PTPRG: variants seen among roughly 807,000 people sequenced by gnomAD.
The protein encoded by PTPRG is receptor-type tyrosine-protein phosphatase gamma.
In PTPRG, 102 loss-of-function variants were observed where a neutral mutation model predicts 165.3. The observed-to-expected ratio is 0.62, with a 90% CI of 0.53 to 0.73. The LOEUF (loss-of-function observed/expected upper bound fraction) is 0.73, where lower values mean the gene tolerates loss of function less well. Ranked by LOEUF, PTPRG falls within the 30% of genes least tolerant of loss-of-function variation. The pLI is 0.00. For missense variants in PTPRG, 1,866 were observed against 1,861.4 expected (o/e 1.00, Z -0.05); for synonymous variants, 675 against 669.5 (o/e 1.01, Z -0.13).
At chr3:61,850,577 T>A (rs1334570675) in intron 2 of PTPRG, among the ~76,000 whole-genome samples, 1 of 152,232 alleles carries the variant, frequency 6.6e-6, no homozygotes, top group Non-Finnish European at 1.5e-5. Flanking sequence ...TTTATGTTAA[T>A]CTTCTTCAAT....
intron 6 of PTPRG, among the ~76,000 whole-genome samples, chr3:62,152,020 C>G (rs923645766): frequency 6.6e-6 from 1 of 152,094 alleles, no homozygotes; most frequent in Non-Finnish European, 1.5e-5. Flanking sequence ...GGATTCATAT[C>G]CAGGGGACCT....
At chr3:61,632,194 G>A (rs1701789383) in intron 1 of PTPRG, among the ~76,000 whole-genome samples, 1 of 151,944 alleles carries the variant, frequency 6.6e-6, no homozygotes, top group Non-Finnish European at 1.5e-5. Flanking sequence ...TGTAGTCCTA[G>A]CTACTTTGCA....
chr3:61,681,706 A>G (rs2107120226), intron 1 of PTPRG, among the ~76,000 whole-genome samples: 1 of 152,320 alleles, frequency 6.6e-6, no homozygotes, highest in Non-Finnish European at 1.5e-5. Context: ...TGATATGGGC[A>G]TGTAGGAAGC....
intron 1 of PTPRG, among the ~76,000 whole-genome samples, chr3:61,568,958 A>C (rs1293403043): frequency 6.6e-6 from 1 of 151,604 alleles, no homozygotes; most frequent in Non-Finnish European, 1.5e-5. Flanking sequence ...TAGGAAGAGG[A>C]ATGACAGCTG....
At chr3:61,789,832 G>T (rs1243444827) in intron 2 of PTPRG, among the ~76,000 whole-genome samples, 2 of 152,196 alleles carry the variant, frequency 1.3e-5, no homozygotes, top group Non-Finnish European at 2.9e-5. Context: ...GGCTTCTGTT[G>T]TAAGTGAGGT....
At chr3:62,211,405 G>T (rs1278176132) in intron 12 of PTPRG, among the ~76,000 whole-genome samples, 1 of 152,192 alleles carries the variant, frequency 6.6e-6, no homozygotes, top group Non-Finnish European at 1.5e-5. Context: ...AGATGAAAAA[G>T]TTCTGGAGAT....
intron 13 of PTPRG, among the ~76,000 whole-genome samples, chr3:62,226,322 T>C (rs942684427): frequency 1.3e-5 from 2 of 152,202 alleles, no homozygotes; most frequent in African/African-American, 4.8e-5. Context: ...CTGCTGGACA[T>C]GGTGGGAGTA....
At chr3:62,261,689 T>C (rs1701702898) in intron 16 of PTPRG, 1 of 151,960 alleles carries the variant, frequency 6.6e-6, no homozygotes, top group African/African-American at 2.4e-5. Flanking sequence ...CATTGAATAC[T>C]GTTTCTTTGA....
chr3:61,718,213 C>CAAAAAAAAAAAAAAAAAA (rs376955925), intron 1 of PTPRG, among the ~76,000 whole-genome samples: 1 of 102,444 alleles, frequency 9.8e-6, no homozygotes, highest in Non-Finnish European at 2.1e-5. Flanking sequence ...AAACAAAAAC[C>CAAAAAAAAAAAAAAAAAA]AAAAAAAAAA....
chr3:61,598,709 T>A (rs1700764756), intron 1 of PTPRG, among the ~76,000 whole-genome samples: 1 of 152,124 alleles, frequency 6.6e-6, no homozygotes, highest in African/African-American at 2.4e-5. Context: ...ACAATGGCAA[T>A]GTATTGTTTC....
At chr3:61,768,775 G>A (rs2034115104) in intron 2 of PTPRG, among the ~76,000 whole-genome samples, 1 of 152,058 alleles carries the variant, frequency 6.6e-6, no homozygotes, top group Non-Finnish European at 1.5e-5. Context: ...GTGGGGGAGG[G>A]TGTGTTTGCC....
chr3:62,134,972 A>T (rs961653045), intron 6 of PTPRG, among the ~76,000 whole-genome samples: 10 of 152,224 alleles, frequency 6.6e-5, no homozygotes, highest in South Asian at 4.1e-4. Context: ...ATAGTTTTTT[A>T]AAAAAAACTT....
intron 2 of PTPRG, among the ~76,000 whole-genome samples, chr3:61,845,508 C>T (rs1053070635): frequency 1.3e-5 from 2 of 152,130 alleles, no homozygotes; most frequent in African/African-American, 4.8e-5. Context: ...CCCTTGAAAA[C>T]CCATGATGCT....
At chr3:61,899,781 C>T (rs908086902) in intron 2 of PTPRG, among the ~76,000 whole-genome samples, 1 of 152,020 alleles carries the variant, frequency 6.6e-6, no homozygotes, top group Non-Finnish European at 1.5e-5. Context: ...GAAATGGGGC[C>T]AATGTGTCAG....
chr3:62,243,157 A>G (rs1046597340), intron 14 of PTPRG, among the ~76,000 whole-genome samples: 2 of 152,008 alleles, frequency 1.3e-5, no homozygotes, highest in Admixed American at 1.3e-4. Flanking sequence ...TGCCTGTCCT[A>G]TGATGACCAG....
In PTPRG at chr3:61,754,531, C is replaced by A. The variant is rs148110099; in HGVS notation, c.190+5549C>A. On this transcript the variant is annotated intron_variant, in intron 2 of 29. Coordinates refer to ENST00000474889, the MANE Select transcript of PTPRG (RefSeq NM_002841.4). ...TTATAATTCCTTGTTTCTCCTGCAG[C>A]GTGCCAGTGTGTCTTGTTTTGTGGA... Among the ~76,000 whole-genome samples, 105 of 152,230 alleles carry A rather than the reference C, an allele frequency of 6.9e-4. 1 individual carries two copies. The highest frequency in any genetic ancestry group is 2.3e-3 in the African/African-American group (96 of 41,530).
At chr3:61,925,464 C>T (rs986031449) in intron 2 of PTPRG, among the ~76,000 whole-genome samples, 1 of 152,218 alleles carries the variant, frequency 6.6e-6, no homozygotes, top group African/African-American at 2.4e-5. Flanking sequence ...CTGGTCAGGG[C>T]TGGGTGCAGT....
intron 5 of PTPRG, among the ~76,000 whole-genome samples, chr3:62,118,814 A>G (rs1198612273): frequency 6.6e-6 from 1 of 152,120 alleles, no homozygotes; most frequent in Non-Finnish European, 1.5e-5. Flanking sequence ...AGAGTGATTA[A>G]AGTCACTTAC....
At chr3:61,827,548 C>T (rs997375567) in intron 2 of PTPRG, among the ~76,000 whole-genome samples, 1 of 152,080 alleles carries the variant, frequency 6.6e-6, no homozygotes, top group Non-Finnish European at 1.5e-5. Flanking sequence ...TTGTGACATC[C>T]CTGATCTGTC....
Sources: gnomAD v4.1 joint callset for allele counts (sites outside exome capture counted in the v4.1 genomes callset) on GRCh38, gnomAD v4.1.1 for gene constraint, MANE v1.5 for transcripts, NCBI Gene and HGNC (gene_info 2026-07-23, HGNC 2026-07-21) for gene names.